Variants in FMNL3 observed in about 807,000 individuals in gnomAD.
FMNL3 encodes the protein formin-like protein 3.
Under a neutral mutation model 119.6 loss-of-function variants are expected in FMNL3, and 57 were observed. The ratio of observed to expected loss-of-function variants is 0.48; its 90% CI spans 0.39 to 0.59. The LOEUF (loss-of-function observed/expected upper bound fraction) is 0.59, where lower values mean the gene tolerates loss of function less well. FMNL3 is among the 20% of genes least tolerant of loss of function. The probability of loss-of-function intolerance (pLI) is 0.00; values close to 1 mark genes in which losing one functional copy is unlikely to be tolerated. For missense variants in FMNL3, 1,053 were observed against 1,323.5 expected (o/e 0.80, Z 3.17); for synonymous variants, 491 against 507.3 (o/e 0.97, Z 0.43).
Position 49,637,852 on chromosome 12 carries a change from T to C in FMNL3, c.*7963A>G. ...GAGGGAGGCTGGGGTTATGGATGGA[T>C]ACAGGATGGATGCAGGGCACACTCC... On this transcript the variant is annotated 3_prime_UTR_variant, in exon 26 of 26. Transcript: ENST00000335154. 1.3e-6 allele frequency: 2 copies of C among 1,547,486 alleles called. No individual in the cohort carries two copies. Among genetic ancestry groups the C allele is most frequent in the Non-Finnish European group, 1.8e-6 (2 of 1,121,088 alleles).
rs1289090781 is a variant in FMNL3 at position 49,640,563 on chromosome 12, G to C, written c.*5252C>G. The C allele has an allele frequency of 6.6e-6, 1 of 152,144 alleles. No homozygotes were observed. The highest frequency in any genetic ancestry group is 1.5e-5 in the Non-Finnish European group (1 of 68,034). The allele number at this position is 152,144 out of a possible 1,614,324, so 9.4% of individuals were successfully genotyped here. On this transcript the variant is annotated 3_prime_UTR_variant, in exon 26 of 26. Transcript: ENST00000335154. ...AGAGTAGAGTCATGGAGGTGGCATG[G>C]GGGCAGCACATGTTTTAGAGTCAGA...
Position 49,649,016 on chromosome 12 carries a change from A to T in FMNL3, c.2515+13T>A. The stretch of plus-strand genomic sequence containing the variant: ...GATGTGAGGGCAGGCCCACCCAGCC[A>T]GGCTCTCCTCACCTGCTGCAGCCTT... On this transcript the variant is annotated intron_variant, in intron 21 of 25. Transcript: ENST00000335154. This position sits in a 1 kb window ranked among gnomAD's most constrained non-coding sequence, Gnocchi z 5.6. 1 of 1,575,220 alleles carries T rather than the reference A, an allele frequency of 6.3e-7. No homozygotes were observed. Among genetic ancestry groups the T allele is most frequent in the Non-Finnish European group, 8.6e-7 (1 of 1,161,076 alleles).
chr12:49,699,728 A>G (rs1565900213), intron 1 of FMNL3, among the ~76,000 whole-genome samples: 2 of 152,270 alleles, frequency 1.3e-5, no homozygotes, highest in Admixed American at 1.3e-4. Flanking sequence ...AGACATATGT[A>G]TATAATAAAT....
At chr12:49,697,653 T>C (rs920882590) in intron 1 of FMNL3, among the ~76,000 whole-genome samples, 3 of 152,202 alleles carry the variant, frequency 2.0e-5, no homozygotes, top group African/African-American at 4.8e-5. Context: ...CTTTAAATTA[T>C]GGAATTCTGA....
intron 14 of FMNL3, among the ~76,000 whole-genome samples, 190 bp downstream of exon 14, chr12:49,651,743 T>C (rs575522828): frequency 6.6e-6 from 1 of 152,244 alleles, no homozygotes; most frequent in African/African-American, 2.4e-5. Context: ...CATCTGCCTT[T>C]GGGCATCCCT....
chr12:49,683,309 C>T (rs1944382413), intron 1 of FMNL3, among the ~76,000 whole-genome samples: 1 of 152,222 alleles, frequency 6.6e-6, no homozygotes. Flanking sequence ...TCCACCCAGA[C>T]TTCCACAGGC....
chr12:49,674,480 G>A (rs1304262842), intron 1 of FMNL3, among the ~76,000 whole-genome samples: 1 of 152,148 alleles, frequency 6.6e-6, no homozygotes, highest in Non-Finnish European at 1.5e-5. Flanking sequence ...AGCCTCCCCA[G>A]GGCAGCTCCC....
At chr12:49,677,430 T>C (rs1944220441) in intron 1 of FMNL3, among the ~76,000 whole-genome samples, 1 of 152,204 alleles carries the variant, frequency 6.6e-6, no homozygotes, top group Non-Finnish European at 1.5e-5. Context: ...TTATTTAATC[T>C]CTGCAAGCCT....
chr12:49,654,003 T>G lies in FMNL3; in HGVS notation c.1072-129A>C, dbSNP rs1943489960. The G allele has an allele frequency of 3.7e-6, 5 of 1,366,496 alleles. No individual in the cohort carries two copies. In the South Asian group the frequency reaches 7.1e-5, roughly 19 times the overall value. 84.6% of individuals were successfully genotyped at this position (1,366,496 alleles called of 1,614,324 possible). On this transcript the variant is annotated intron_variant, in intron 11 of 25. Transcript: ENST00000335154. ...CAAAGAGTTCCTGCTGCAGGCCATG[T>G]CAGATTCTCGCCCCCATGGAGCTGC... is the stretch of plus-strand genomic sequence containing the variant.
chr12:49,687,096 C>CTTTTTTT (rs35284603), intron 1 of FMNL3, among the ~76,000 whole-genome samples: 1 of 142,352 alleles, frequency 7.0e-6, no homozygotes, highest in African/African-American at 2.6e-5. Flanking sequence ...TTCCCCATTC[C>CTTTTTTT]TTTTTTTTTT....
rs1203609721 is a variant in FMNL3, at chr12:49,648,373, C to G, written c.2516-20G>C. 1.2e-6 allele frequency: 2 copies of G among 1,602,728 alleles called. No homozygotes were observed. The highest frequency in any genetic ancestry group is 8.5e-7 in the Non-Finnish European group (1 of 1,173,002). On this transcript the variant is annotated intron_variant, in intron 21 of 25. Coordinates refer to ENST00000335154, the MANE Select transcript of FMNL3 (RefSeq NM_175736.5). ...GGGACACTGGTCACCAAAAGCCTGG[C>G]TGAGGAATGCCTAGGGCCTGGCATG...
intron 4 of FMNL3, among the ~76,000 whole-genome samples, chr12:49,662,396 T>C (rs950525201): frequency 1.3e-5 from 2 of 152,170 alleles, no homozygotes; most frequent in Non-Finnish European, 1.5e-5. Flanking sequence ...TGGAAGAATT[T>C]AGGAAGCATC....
Position 49,643,579 on chromosome 12 carries a change from T to C in FMNL3, c.*2236A>G. 7.2e-7 allele frequency: 1 copy of C among 1,386,898 alleles called. No individual in the cohort carries two copies. Among genetic ancestry groups the C allele is most frequent in the Non-Finnish European group, 9.8e-7 (1 of 1,024,728 alleles). 85.9% of individuals were successfully genotyped at this position (1,386,898 alleles called of 1,614,324 possible). On this transcript the variant is annotated 3_prime_UTR_variant, in exon 26 of 26. Transcript: ENST00000335154. ...TGGAGAAGGAAAACTGGACTTAGAC[T>C]TCCTCAGAGCATGAGGTTCCTGCCT...
At chr12:49,646,797 G>C in intron 25 of FMNL3, 89 bp downstream of exon 25, 1 of 1,605,440 alleles carries the variant, frequency 6.2e-7, no homozygotes, top group South Asian at 1.1e-5. Flanking sequence ...CTCATGGGGG[G>C]TGGGGTGGGA....
At chr12:49,650,940 C>A in intron 16 of FMNL3, 62 bp from the exon 17 acceptor site, 1 of 1,576,982 alleles carries the variant, frequency 6.3e-7, no homozygotes, top group Non-Finnish European at 8.7e-7. Flanking sequence ...GACCTCATGA[C>A]AGCCCACCCA....
At chr12:49,702,266 T>A (rs536537397) in intron 1 of FMNL3, among the ~76,000 whole-genome samples, 1 of 152,316 alleles carries the variant, frequency 6.6e-6, no homozygotes, top group South Asian at 2.1e-4. Flanking sequence ...TGAGCCATGA[T>A]CATGTCACTG....
chr12:49,660,357 G>A (rs1943696141), intron 5 of FMNL3, among the ~76,000 whole-genome samples: 1 of 152,094 alleles, frequency 6.6e-6, no homozygotes, highest in Non-Finnish European at 1.5e-5. Context: ...AAGAGAGAGA[G>A]GCTTATTTGG....
Position 49,643,312 on chromosome 12 carries a change from G to A in FMNL3, c.*2503C>T, listed in dbSNP as rs535872438. ...GGAACCCCTCAGAGTCAGGCTCTGAGCCCTCTTCCTCACTTGATTCAGTTG... is the reference window on the plus strand; with the variant it reads ...GGAACCCCTCAGAGTCAGGCTCTGAACCCTCTTCCTCACTTGATTCAGTTG... On this transcript the variant is annotated 3_prime_UTR_variant, in exon 26 of 26. Transcript: ENST00000335154. 84 of 1,611,462 alleles carry A rather than the reference G, an allele frequency of 5.2e-5. 1 individual carries two copies. The South Asian group carries it at 7.9e-4, about 15-fold the overall frequency.
intron 1 of FMNL3, among the ~76,000 whole-genome samples, chr12:49,678,557 G>C (rs1169452564): frequency 6.6e-6 from 1 of 152,126 alleles, no homozygotes; most frequent in East Asian, 1.9e-4. Context: ...CGACCTCCCA[G>C]GTTCAAGTGA....
Sources: gnomAD v4.1 joint callset for allele counts (sites outside exome capture counted in the v4.1 genomes callset) on GRCh38, gnomAD v4.1.1 for gene constraint, Gnocchi (gnomAD v3.1) non-coding constraint, MANE v1.5 for transcripts, NCBI Gene and HGNC (gene_info 2026-07-23, HGNC 2026-07-21) for gene names.